TRPC5: variants seen among roughly 807,000 people sequenced by gnomAD.
The protein encoded by TRPC5 is transient receptor potential cation channel subfamily C member 5.
A neutral mutation model predicts 56.5 loss-of-function variants in TRPC5; 9 were observed. The ratio of observed to expected loss-of-function variants is 0.16; its 90% CI spans 0.10 to 0.28. The LOEUF (loss-of-function observed/expected upper bound fraction) is 0.28, where lower values mean the gene tolerates loss of function less well. Among genes scored for constraint, TRPC5 ranks in the 10% least tolerant of loss-of-function variants. The pLI, the probability that TRPC5 is intolerant of heterozygous loss-of-function variation, is 1.00. For missense variants in TRPC5, 469 were observed against 748.9 expected (o/e 0.63, Z 4.36); for synonymous variants, 282 against 278.5 (o/e 1.01, Z -0.13).
chrX:111,964,474 C>T (rs139143648), intron 1 of TRPC5, among the ~76,000 whole-genome samples: 1,596 of 111,487 alleles, frequency 0.014, 31 homozygotes, highest in African/African-American at 0.05. Flanking sequence ...ATACAGAGAA[C>T]GCCACAAAGA....
intron 1 of TRPC5, among the ~76,000 whole-genome samples, chrX:112,052,854 T>C (rs915668101): frequency 5.4e-5 from 6 of 112,064 alleles, no homozygotes; most frequent in Non-Finnish European, 1.1e-4. Context: ...CTCAACTCTA[T>C]TTGTTGAAAA....
chrX:112,003,069 A>T (rs1928739296), intron 1 of TRPC5, among the ~76,000 whole-genome samples: 1 of 111,417 alleles, frequency 9.0e-6, no homozygotes, highest in Admixed American at 9.6e-5. Context: ...GTGGGTATTC[A>T]TTTCTCAGAG....
Position 112,067,081 on chromosome X carries a change from C to T in TRPC5, c.-22+14798G>A, listed in dbSNP as rs1426687166. ...TGTAGTGGCTAGGGCTAAGTCATGA[C>T]CTGATAAGTGGGCCTTAGGTATTTC... On this transcript the variant is annotated intron_variant, in intron 1 of 10. Coordinates refer to ENST00000262839, the MANE Select transcript of TRPC5 (RefSeq NM_012471.3). 5.3e-5 allele frequency among the ~76,000 whole-genome samples: 6 copies of T among 112,563 alleles called. No homozygotes were observed. In the Admixed American group the frequency reaches 5.6e-4, roughly 11 times the overall value.
At chrX:111,945,977 C>T (rs750070678) in intron 2 of TRPC5, among the ~76,000 whole-genome samples, 9 of 112,532 alleles carry the variant, frequency 8.0e-5, no homozygotes, top group African/African-American at 2.9e-4. Flanking sequence ...TGATGGCTCC[C>T]AAGTAAACAA....
intron 6 of TRPC5, among the ~76,000 whole-genome samples, chrX:111,845,319 G>T (rs1490694114): frequency 9.0e-5 from 10 of 111,300 alleles, no homozygotes; most frequent in African/African-American, 6.5e-5. Flanking sequence ...CTTCTACGGA[G>T]GAAAAAACAT....
intron 1 of TRPC5, among the ~76,000 whole-genome samples, chrX:112,065,087 A>C (rs1930550493): frequency 9.0e-6 from 1 of 110,595 alleles, no homozygotes; most frequent in South Asian, 3.8e-4. Context: ...CAAAAAAAAA[A>C]AAAAAACAAA....
intron 7 of TRPC5, among the ~76,000 whole-genome samples, chrX:111,827,370 C>T (rs1485522999): frequency 9.0e-6 from 1 of 111,213 alleles, no homozygotes; most frequent in Non-Finnish European, 1.9e-5. Flanking sequence ...CTGGACCTCT[C>T]CTCTAGACCT....
At chrX:111,855,546 A>T (rs1167980669) in intron 3 of TRPC5, among the ~76,000 whole-genome samples, 1 of 111,922 alleles carries the variant, frequency 8.9e-6, no homozygotes, top group East Asian at 2.8e-4. Flanking sequence ...GAGCCATTAT[A>T]TATTTTGGAG....
intron 6 of TRPC5, among the ~76,000 whole-genome samples, chrX:111,844,162 G>T (rs1181527363): frequency 9.1e-6 from 1 of 110,440 alleles, no homozygotes. Flanking sequence ...GAATTTAGTT[G>T]TGGACATCCT....
chrX:111,944,324 G>A (rs1248335330), intron 2 of TRPC5, among the ~76,000 whole-genome samples: 4 of 107,729 alleles, frequency 3.7e-5, no homozygotes, highest in Non-Finnish European at 7.7e-5. Context: ...GAGAGAGAGA[G>A]AGAGAGAGAG....
intron 1 of TRPC5, among the ~76,000 whole-genome samples, chrX:112,032,792 C>CT: frequency 8.9e-6 from 1 of 111,850 alleles, no homozygotes; most frequent in South Asian, 3.8e-4. Flanking sequence ...TTGTTTTTGT[C>CT]TTTTTTAAAA....
chrX:112,026,741 C>CA (rs1268766764), intron 1 of TRPC5, among the ~76,000 whole-genome samples: 4 of 110,181 alleles, frequency 3.6e-5, no homozygotes, highest in Non-Finnish European at 7.6e-5. Context: ...ACCCTATAGT[C>CA]AATGCTTCTA....
intron 7 of TRPC5, among the ~76,000 whole-genome samples, chrX:111,789,993 CAG>C (rs1946005364): frequency 1.8e-5 from 2 of 111,784 alleles, no homozygotes; most frequent in African/African-American, 3.2e-5. Context: ...TTGTGGAAGA[CAG>C]TGTGGCAATT....
chrX:112,038,715 T>G (rs772906882), intron 1 of TRPC5, among the ~76,000 whole-genome samples: 1 of 109,331 alleles, frequency 9.1e-6, no homozygotes, highest in African/African-American at 3.3e-5. Context: ...AGAGTCTCGC[T>G]CTGTCGCCCA....
intron 2 of TRPC5, among the ~76,000 whole-genome samples, chrX:111,924,629 C>T (rs900868588): frequency 2.7e-5 from 3 of 112,285 alleles, no homozygotes; most frequent in Non-Finnish European, 5.6e-5. Flanking sequence ...TCATATGTAG[C>T]CATCTGACTG....
chrX:111,831,026 G>A (rs1173566647), intron 7 of TRPC5, among the ~76,000 whole-genome samples: 1 of 112,254 alleles, frequency 8.9e-6, no homozygotes, highest in Non-Finnish European at 1.9e-5. Context: ...GGGGAATCTA[G>A]GGGGAGCATT....
intron 3 of TRPC5, among the ~76,000 whole-genome samples, chrX:111,905,547 C>G (rs1401826370): frequency 8.9e-6 from 1 of 112,028 alleles, no homozygotes; most frequent in Non-Finnish European, 1.9e-5. Context: ...AAGGTTGGAA[C>G]TGCATTTTAC....
At chrX:111,783,674 T>C (rs1360363794) in intron 7 of TRPC5, among the ~76,000 whole-genome samples, 2 of 110,888 alleles carry the variant, frequency 1.8e-5, no homozygotes, top group East Asian at 5.6e-4. Context: ...TTGTTAGATA[T>C]ATGGCTTGCA....
At chrX:111,924,095 A>T (rs5943224) in intron 2 of TRPC5, among the ~76,000 whole-genome samples, 17,995 of 111,557 alleles carry the variant, frequency 0.16, 1,644 homozygotes, top group African/African-American at 0.35. Context: ...CTAGTGTGAG[A>T]TTGGATATCA....
Sources: gnomAD v4.1 joint callset for allele counts (sites outside exome capture counted in the v4.1 genomes callset) on GRCh38, gnomAD v4.1.1 for gene constraint, MANE v1.5 for transcripts, NCBI Gene and HGNC (gene_info 2026-07-23, HGNC 2026-07-21) for gene names.